KCNIP1: variants seen among roughly 807,000 people sequenced by gnomAD.
KCNIP1 encodes potassium voltage-gated channel interacting protein 1.
KCNIP1 carries 18 observed loss-of-function variants against 33.0 expected under a neutral mutation model. The ratio of observed to expected loss-of-function variants is 0.55; its 90% CI spans 0.38 to 0.81. KCNIP1 has a LOEUF of 0.81. KCNIP1 is among the 30% of genes least tolerant of loss of function. The probability of loss-of-function intolerance (pLI) is 0.00; values close to 1 mark genes in which losing one functional copy is unlikely to be tolerated. For missense variants in KCNIP1, 238 were observed against 271.6 expected, an observed-to-expected ratio of 0.88 and a Z score of 0.87; for synonymous variants, 93 against 98.3, an observed-to-expected ratio of 0.95 and a Z score of 0.32.
chr5:170,666,992 G>A (rs932036462), intron 1 of KCNIP1, among the ~76,000 whole-genome samples: 1 of 152,234 alleles, frequency 6.6e-6, no homozygotes, highest in Non-Finnish European at 1.5e-5. Flanking sequence ...TCAGAGAAAG[G>A]CCTGGTAAGA....
At chr5:170,556,722 A>G (rs563708399) in intron 1 of KCNIP1, among the ~76,000 whole-genome samples, 1 of 152,342 alleles carries the variant, frequency 6.6e-6, no homozygotes, top group Admixed American at 6.5e-5. Context: ...CAGATAGCTC[A>G]TTTTGTGAAT....
In KCNIP1 at chr5:170,451,723, TTGTGTGTG is replaced by T. The variant is rs67542248; in HGVS notation, c.88+97799_88+97806del. On this transcript the variant is annotated intron_variant, in intron 1 of 7. Transcript: ENST00000377360. ...GACAGTTGCTTCAGCTTCTCCTGCA[TTGTGTGTG>T]TGTGTGTGTGTGTGTGTGTGTGTGT... 2.9e-3 allele frequency among the ~76,000 whole-genome samples: 356 copies of T among 122,970 alleles called. 1 individual carries two copies. Among genetic ancestry groups the T allele is most frequent in the African/African-American group, 3.9e-3 (121 of 31,112 alleles). 80.7% of individuals were successfully genotyped at this position (122,970 alleles called of 152,430 possible).
chr5:170,603,654 A>G (rs1758784811), intron 1 of KCNIP1, among the ~76,000 whole-genome samples: 1 of 152,116 alleles, frequency 6.6e-6, no homozygotes, highest in South Asian at 2.1e-4. Context: ...CCAGCTAGCC[A>G]GATAGAGAAC....
At chr5:170,655,816 A>C (rs188353795) in intron 1 of KCNIP1, among the ~76,000 whole-genome samples, 1 of 152,186 alleles carries the variant, frequency 6.6e-6, no homozygotes, top group African/African-American at 2.4e-5. Context: ...TGTGGGGGGA[A>C]ATCCTATTCA....
intron 1 of KCNIP1, among the ~76,000 whole-genome samples, chr5:170,411,935 G>A (rs1755202211): frequency 6.6e-6 from 1 of 152,128 alleles, no homozygotes; most frequent in South Asian, 2.1e-4. Flanking sequence ...AGAGAGAGAG[G>A]TTGGAGGGGT....
At chr5:170,468,947 C>T (rs1756665877) in intron 1 of KCNIP1, among the ~76,000 whole-genome samples, 1 of 151,978 alleles carries the variant, frequency 6.6e-6, no homozygotes, top group African/African-American at 2.4e-5. Context: ...AGCTGAAGCC[C>T]TTTGCCCCAT....
At chr5:170,363,288 T>G (rs11742509) in intron 1 of KCNIP1, among the ~76,000 whole-genome samples, 23,773 of 152,230 alleles carry the variant, frequency 0.16, 1,953 homozygotes, top group East Asian at 0.2. Flanking sequence ...TGTCACAGAC[T>G]GAATTGTGTC....
intron 1 of KCNIP1, among the ~76,000 whole-genome samples, chr5:170,533,898 G>A (rs1755873635): frequency 6.6e-6 from 1 of 152,154 alleles, no homozygotes. Context: ...GGTTCCAGTG[G>A]GCAGCGGGAG....
intron 1 of KCNIP1, among the ~76,000 whole-genome samples, chr5:170,545,789 G>T (rs906026130): frequency 3.3e-5 from 5 of 152,068 alleles, no homozygotes; most frequent in African/African-American, 1.2e-4. Context: ...AATAACCATA[G>T]TCAAAGTCCT....
chr5:170,430,930 G>A (rs76939848), intron 1 of KCNIP1, among the ~76,000 whole-genome samples: 3,768 of 152,262 alleles, frequency 0.025, 114 homozygotes, highest in Admixed American at 0.085. Flanking sequence ...CACTGTCCAC[G>A]ACTTCCTGTC....
intron 1 of KCNIP1, among the ~76,000 whole-genome samples, chr5:170,360,882 C>A (rs1427977603): frequency 6.6e-6 from 1 of 152,218 alleles, no homozygotes. Flanking sequence ...CGAGCAACAT[C>A]AGGCCATGTG....
chr5:170,478,499 G>A (rs1381452105), intron 1 of KCNIP1, among the ~76,000 whole-genome samples: 1 of 151,438 alleles, frequency 6.6e-6, no homozygotes, highest in Non-Finnish European at 1.5e-5. Context: ...ACAAAGGTGT[G>A]TTACTTTCTG....
chr5:170,691,736 C>T (rs953838700), intron 1 of KCNIP1, among the ~76,000 whole-genome samples: 3 of 152,136 alleles, frequency 2.0e-5, no homozygotes, highest in African/African-American at 7.2e-5. Context: ...TTGCCATGGT[C>T]CAAGAGGCTT....
At chr5:170,575,070 A>G (rs1757551746) in intron 1 of KCNIP1, among the ~76,000 whole-genome samples, 1 of 152,154 alleles carries the variant, frequency 6.6e-6, no homozygotes, top group Non-Finnish European at 1.5e-5. Flanking sequence ...AGGGTGAAAT[A>G]GAATGGAAAA....
At chr5:170,368,990 A>G (rs1763775783) in intron 1 of KCNIP1, among the ~76,000 whole-genome samples, 1 of 152,218 alleles carries the variant, frequency 6.6e-6, no homozygotes, top group Non-Finnish European at 1.5e-5. Context: ...AGAAAATCCA[A>G]ATATGATAAA....
chr5:170,700,110 C>T (rs1456583437), intron 1 of KCNIP1, among the ~76,000 whole-genome samples: 2 of 152,092 alleles, frequency 1.3e-5, no homozygotes, highest in Non-Finnish European at 2.9e-5. Flanking sequence ...ACACACCTGC[C>T]TCCTGTCATC....
At chr5:170,691,456 G>A (rs1405454980) in intron 1 of KCNIP1, among the ~76,000 whole-genome samples, 1 of 152,194 alleles carries the variant, frequency 6.6e-6, no homozygotes, top group African/African-American at 2.4e-5. Context: ...GCTGACTAAT[G>A]ACTTTGGGCA....
chr5:170,458,772 A>G (rs1189912176), intron 1 of KCNIP1, among the ~76,000 whole-genome samples: 1 of 152,236 alleles, frequency 6.6e-6, no homozygotes, highest in Non-Finnish European at 1.5e-5. Flanking sequence ...CACAGAAACT[A>G]TAAAACAAAA....
intron 1 of KCNIP1, among the ~76,000 whole-genome samples, chr5:170,542,830 GTACT>G (rs1349101341): frequency 1.3e-5 from 2 of 152,204 alleles, no homozygotes; most frequent in Non-Finnish European, 2.9e-5. Flanking sequence ...TTACTGTATT[GTACT>G]TACTTATTTT....
Sources: gnomAD v4.1 joint callset for allele counts (sites outside exome capture counted in the v4.1 genomes callset) on GRCh38, gnomAD v4.1.1 for gene constraint, MANE v1.5 for transcripts, NCBI Gene and HGNC (gene_info 2026-07-23, HGNC 2026-07-21) for gene names.